The following MGA variants were observed in gnomAD, a reference collection of about 807,000 sequenced individuals.
The protein encoded by MGA is MAX dimerization protein MGA.
A neutral mutation model predicts 261.1 loss-of-function variants in MGA; 40 were observed. That is an observed-to-expected ratio of 0.15 (90% CI 0.12 to 0.20). The LOEUF is 0.20. MGA is among the 10% of genes least tolerant of loss of function. MGA has a pLI of 1.00. For synonymous variants in MGA, 1,302 were observed against 1,290.6 expected, an observed-to-expected ratio of 1.01 and a Z score of -0.19; for missense variants, 3,397 against 3,630.5, an observed-to-expected ratio of 0.94 and a Z score of 1.65.
At chr15:41,698,098 C>T (rs796589492) in intron 3 of MGA, among the ~76,000 whole-genome samples, 4 of 150,046 alleles carry the variant, frequency 2.7e-5, no homozygotes, top group African/African-American at 9.8e-5. Context: ...TCTCGATCTC[C>T]TGGCCTCGTG....
chr15:41,737,134 T>C (rs982056899), intron 13 of MGA, among the ~76,000 whole-genome samples: 1 of 152,124 alleles, frequency 6.6e-6, no homozygotes, highest in Non-Finnish European at 1.5e-5. Context: ...GCAATATATG[T>C]TTAGAAACTT....
intron 1 of MGA, among the ~76,000 whole-genome samples, chr15:41,662,078 T>G (rs1240365962): frequency 6.6e-6 from 1 of 152,132 alleles, no homozygotes; most frequent in Non-Finnish European, 1.5e-5. Context: ...AGACCGAGCC[T>G]TTTACTTTCC....
At chr15:41,729,433 AT>A in intron 11 of MGA, 84 bp downstream of exon 11, 1 of 1,323,816 alleles carries the variant, frequency 7.6e-7, no homozygotes, top group South Asian at 1.4e-5. Context: ...CAGAATAATA[AT>A]TATCCTACAG....
At chr15:41,629,006 G>C (rs1451610226) in intron 1 of MGA, among the ~76,000 whole-genome samples, 1 of 151,614 alleles carries the variant, frequency 6.6e-6, no homozygotes, top group Admixed American at 6.6e-5. Flanking sequence ...GCTGGCCATG[G>C]TGGCGGGCGC....
In MGA at chr15:41,696,584, A is replaced by C. The variant is rs748672639; in HGVS notation, c.1574A>C (p.Glu525Ala). ...GAGACTGCCTTCTGCTTAGGCAAGG[A>C]ATCAGAAAATGGTCTTAGAAAACAT... is the stretch of plus-strand genomic sequence containing the variant. The change falls in exon 3 of 24, where the codon GAA becomes GCA. Residue 525 changes from glutamate (E) to alanine (A), a missense_variant. By Grantham distance (107) the Glu-to-Ala change is moderately radical. Coordinates refer to ENST00000219905, the MANE Select transcript of MGA (RefSeq NM_001164273.2). 1 of 1,613,996 alleles carries C rather than the reference A, an allele frequency of 6.2e-7. No homozygotes were observed. Among genetic ancestry groups the C allele is most frequent in the South Asian group, 1.1e-5 (1 of 91,086 alleles).
At chr15:41,741,097 C>A (rs894229657) in intron 14 of MGA, among the ~76,000 whole-genome samples, 1 of 152,180 alleles carries the variant, frequency 6.6e-6, no homozygotes, top group South Asian at 2.1e-4. Flanking sequence ...TCCTGTAATT[C>A]CAGCACTTTG....
chr15:41,693,779 T>C (rs988617127), intron 2 of MGA, among the ~76,000 whole-genome samples: 19 of 152,212 alleles, frequency 1.2e-4, no homozygotes, highest in African/African-American at 3.6e-4. Flanking sequence ...TTTATACTTT[T>C]TTCTTTAGTT....
At chr15:41,641,089 C>T (rs2150623717) in intron 1 of MGA, among the ~76,000 whole-genome samples, 1 of 152,286 alleles carries the variant, frequency 6.6e-6, no homozygotes, top group South Asian at 2.1e-4. Context: ...TGGAATCATA[C>T]AAAATGAGGT....
chr15:41,642,755 T>C (rs1461712017), intron 1 of MGA, among the ~76,000 whole-genome samples: 1 of 152,106 alleles, frequency 6.6e-6, no homozygotes, highest in Non-Finnish European at 1.5e-5. Context: ...ATTACAGGCA[T>C]GAGCCACTGT....
At chr15:41,637,723 G>T (rs913366972) in intron 1 of MGA, among the ~76,000 whole-genome samples, 3 of 152,034 alleles carry the variant, frequency 2.0e-5, no homozygotes, top group African/African-American at 7.2e-5. Context: ...ATGAATATCT[G>T]TTAGGATACT....
intron 1 of MGA, among the ~76,000 whole-genome samples, chr15:41,663,880 T>G (rs2057567578): frequency 6.6e-6 from 1 of 152,118 alleles, no homozygotes; most frequent in Admixed American, 6.5e-5. Context: ...GACTGCCCTT[T>G]GATTAGAAAA....
rs2062208591 is a variant in MGA at position 41,743,072 on chromosome 15, T to C, written c.5112T>C (p.Ala1704=). Residue 1704 remains alanine, a synonymous_variant, in exon 15 of 24, where the codon GCT becomes GCC. Transcript: ENST00000219905. ...CCTCCTTAGTCGTGGTGACTGCAGCTGCATCTTCCTCCATGGTGACCACAC... is the reference window on the plus strand; with the variant it reads ...CCTCCTTAGTCGTGGTGACTGCAGCCGCATCTTCCTCCATGGTGACCACAC... 1 of 1,613,936 alleles carries C rather than the reference T, an allele frequency of 6.2e-7. No individual in the cohort carries two copies. Among genetic ancestry groups the C allele is most frequent in the African/African-American group, 1.3e-5 (1 of 74,948 alleles).
At chr15:41,647,754 CTT>C (rs34246274) in intron 1 of MGA, among the ~76,000 whole-genome samples, 2 of 151,942 alleles carry the variant, frequency 1.3e-5, no homozygotes, top group African/African-American at 2.4e-5. Context: ...TAAGGTTCAC[CTT>C]TTTTATCTCC....
At chr15:41,645,377 C>T (rs942814638) in intron 1 of MGA, among the ~76,000 whole-genome samples, 22 of 152,182 alleles carry the variant, frequency 1.4e-4, no homozygotes, top group African/African-American at 3.6e-4. Context: ...ATCACTTGGG[C>T]GGAGCTCCAG....
intron 19 of MGA, among the ~76,000 whole-genome samples, chr15:41,759,468 T>G (rs898931904): frequency 6.8e-6 from 1 of 146,870 alleles, no homozygotes; most frequent in African/African-American, 2.5e-5. Flanking sequence ...GTGTGTATTT[T>G]TTTTTTTTTT....
chr15:41,696,382 A>G lies in MGA; in HGVS notation c.1372A>G (p.Met458Val), dbSNP rs768819512. The change falls in exon 3 of 24, where the codon ATG becomes GTG. Residue 458 changes from methionine to valine, a missense_variant. By Grantham distance (21) the Met-to-Val change is conservative. Transcript: ENST00000219905. Reference sequence around the variant, plus strand: ...CCCATCAGGTGTTGCTAAAGCTAAAATGTTCAAATTAGACACTGGAAAGAT... The same window carrying G: ...CCCATCAGGTGTTGCTAAAGCTAAAGTGTTCAAATTAGACACTGGAAAGAT... 2.2e-5 allele frequency: 36 copies of G among 1,613,886 alleles called. No homozygotes were observed. The highest frequency in any genetic ancestry group is 3.3e-5 in the Admixed American group (2 of 60,004).
At chr15:41,672,871 C>T (rs2058142252) in intron 2 of MGA, among the ~76,000 whole-genome samples, 2 of 106,372 alleles carry the variant, frequency 1.9e-5, no homozygotes, top group African/African-American at 6.0e-5. Context: ...CGTGTGCACA[C>T]ACACACACAC....
chr15:41,632,195 A>G (rs553900633), intron 1 of MGA, among the ~76,000 whole-genome samples: 19 of 152,294 alleles, frequency 1.2e-4, no homozygotes, highest in African/African-American at 4.6e-4. Context: ...TCTGTAGAGG[A>G]CTAGATAGTA....
Position 41,766,396 on chromosome 15 carries a change from G to A in MGA, c.8314G>A (p.Asp2772Asn), listed in dbSNP as rs562486919. 1 of 1,613,874 alleles carries A rather than the reference G, an allele frequency of 6.2e-7. No individual in the cohort carries two copies. The highest frequency in any genetic ancestry group is 8.5e-7 in the Non-Finnish European group (1 of 1,179,820). The change falls in exon 24 of 24, where the codon GAT (aspartate) becomes AAT (asparagine). Residue 2772 changes from aspartate to asparagine, a missense_variant. Coordinates refer to ENST00000219905, the MANE Select transcript of MGA (RefSeq NM_001164273.2). ...AAGAGGGGAGAGAGTGAAGTCAAAGGATTCTTCATTTCATAAATTAAAGAT... is the reference window on the plus strand; with the variant it reads ...AAGAGGGGAGAGAGTGAAGTCAAAGAATTCTTCATTTCATAAATTAAAGAT...
Sources: allele counts gnomAD v4.1 joint callset (sites outside exome capture counted in the v4.1 genomes callset), GRCh38; gene constraint gnomAD v4.1.1; transcripts MANE v1.5; gene names NCBI Gene and HGNC (gene_info 2026-07-23, HGNC 2026-07-21).